TENM3: variants seen among roughly 807,000 people sequenced by gnomAD.
TENM3 encodes the protein teneurin transmembrane protein 3.
Under a neutral mutation model 255.1 loss-of-function variants are expected in TENM3, and 63 were observed. The observed-to-expected ratio is 0.25, with a 90% CI of 0.20 to 0.30. The LOEUF (loss-of-function observed/expected upper bound fraction) is 0.30. TENM3 is among the 10% of genes least tolerant of loss of function. The pLI, the probability that TENM3 is intolerant of heterozygous loss-of-function variation, is 1.00. For synonymous variants in TENM3, 1,306 were observed against 1,322.3 expected (o/e 0.99, Z 0.27); for missense variants, 2,929 against 3,461.1 (o/e 0.85, Z 3.86).
At chr4:182,577,022 C>A (rs1291751388) in intron 3 of TENM3, among the ~76,000 whole-genome samples, 3 of 152,178 alleles carry the variant, frequency 2.0e-5, no homozygotes, top group Non-Finnish European at 4.4e-5. Context: ...CCTCTGTGTT[C>A]TAGCCAGTCT....
At chr4:181,593,098 C>T in the TENM3 span, among the ~76,000 whole-genome samples, 1 of 152,208 alleles carries the variant, frequency 6.6e-6, no homozygotes, top group Non-Finnish European at 1.5e-5. Flanking sequence ...CATCAGTTGG[C>T]TTTCAAAGAT....
the TENM3 span, among the ~76,000 whole-genome samples, chr4:181,595,860 C>T: frequency 6.6e-6 from 1 of 152,146 alleles, no homozygotes; most frequent in Non-Finnish European, 1.5e-5. Flanking sequence ...ACTGAATCCA[C>T]GTGTCATTCA....
the TENM3 span, among the ~76,000 whole-genome samples, chr4:181,566,444 T>A: frequency 6.6e-6 from 1 of 152,198 alleles, no homozygotes; most frequent in Non-Finnish European, 1.5e-5. Context: ...TGGGCTTCTA[T>A]TCTGCTTGAT....
intron 1 of TENM3, among the ~76,000 whole-genome samples, chr4:182,221,453 G>A (rs769874947): frequency 2.0e-5 from 3 of 152,186 alleles, no homozygotes; most frequent in African/African-American, 2.4e-5. Flanking sequence ...CCAAAATCTC[G>A]TGGTGGGCCA....
intron 3 of TENM3, among the ~76,000 whole-genome samples, chr4:182,589,705 G>A (rs767943313): frequency 1.3e-5 from 2 of 152,138 alleles, no homozygotes; most frequent in Non-Finnish European, 2.9e-5. Context: ...GGGCGCAGTG[G>A]CTCACGCCTG....
At chr4:182,761,740 T>C (rs1307679603) in intron 22 of TENM3, among the ~76,000 whole-genome samples, 1 of 152,206 alleles carries the variant, frequency 6.6e-6, no homozygotes, top group Non-Finnish European at 1.5e-5. Flanking sequence ...AGAGAGTTTA[T>C]CAGCAGATCA....
intron 6 of TENM3, among the ~76,000 whole-genome samples, chr4:182,659,068 G>A (rs1452631733): frequency 6.6e-6 from 1 of 152,186 alleles, no homozygotes; most frequent in African/African-American, 2.4e-5. Flanking sequence ...CAAGATTCCT[G>A]GGGAGGGGAA....
chr4:182,430,737 G>A lies in TENM3; in HGVS notation c.511+83808G>A, dbSNP rs901216519. Among the ~76,000 whole-genome samples the A allele has an allele frequency of 3.9e-5, 6 of 152,166 alleles. No individual in the cohort carries two copies. In the South Asian group the frequency reaches 6.2e-4, roughly 16 times the overall value. ...TTTTTGAAAGATAACTTTGGGCTGGGCGTGGTGGCTCACGCCTGTAATCCC... is the reference window on the plus strand; with the variant it reads ...TTTTTGAAAGATAACTTTGGGCTGGACGTGGTGGCTCACGCCTGTAATCCC... On this transcript the variant is annotated intron_variant, in intron 3 of 27. Coordinates refer to ENST00000511685, the MANE Select transcript of TENM3 (RefSeq NM_001080477.4).
intron 16 of TENM3, among the ~76,000 whole-genome samples, chr4:182,731,943 A>G (rs996388172): frequency 4.0e-5 from 6 of 151,762 alleles, no homozygotes; most frequent in Non-Finnish European, 5.9e-5. Flanking sequence ...CACCAAGCCA[A>G]GCTAATTTTT....
At chr4:181,466,166 A>G in the TENM3 span, among the ~76,000 whole-genome samples, 1 of 141,476 alleles carries the variant, frequency 7.1e-6, no homozygotes, top group Non-Finnish European at 1.5e-5. Context: ...CCCCCAGGCT[A>G]GAGTGTAATG....
chr4:181,972,251 G>A, the TENM3 span, among the ~76,000 whole-genome samples: 4 of 151,466 alleles, frequency 2.6e-5, no homozygotes, highest in South Asian at 4.2e-4. Context: ...ATAAAGCCCC[G>A]TCTCTACAAA....
At chr4:182,172,788 C>A (rs1579595439) in intron 1 of TENM3, among the ~76,000 whole-genome samples, 1 of 152,112 alleles carries the variant, frequency 6.6e-6, no homozygotes, top group African/African-American at 2.4e-5. Flanking sequence ...TTCTGCCACC[C>A]AGAAACATTT....
intron 19 of TENM3, among the ~76,000 whole-genome samples, chr4:182,745,144 A>G (rs753017430): frequency 1.2e-4 from 19 of 152,232 alleles, no homozygotes; most frequent in Non-Finnish European, 2.6e-4. Flanking sequence ...AGTGATTAGC[A>G]AACAAAAACC....
At chr4:182,401,883 G>A (rs766847533) in intron 3 of TENM3, among the ~76,000 whole-genome samples, 1 of 152,116 alleles carries the variant, frequency 6.6e-6, no homozygotes, top group Non-Finnish European at 1.5e-5. Flanking sequence ...TAAGGAATTG[G>A]TCAGGAAGTA....
chr4:182,063,432 G>T, the TENM3 span, among the ~76,000 whole-genome samples: 2 of 152,182 alleles, frequency 1.3e-5, no homozygotes, highest in Non-Finnish European at 2.9e-5. Flanking sequence ...TAAGCACTTG[G>T]ATAAAAGTAA....
At chr4:182,611,730 A>G (rs1295906395) in intron 4 of TENM3, among the ~76,000 whole-genome samples, 1 of 152,226 alleles carries the variant, frequency 6.6e-6, no homozygotes, top group African/African-American at 2.4e-5. Context: ...TCTCAGAACT[A>G]ATAATTTCTT....
chr4:182,615,625 C>T (rs2152439268), intron 4 of TENM3, among the ~76,000 whole-genome samples: 1 of 150,686 alleles, frequency 6.6e-6, no homozygotes, highest in East Asian at 2.0e-4. Context: ...ACGGTAGATA[C>T]TTAAAAGTAG....
At chr4:182,525,952 T>C (rs1442594984) in intron 3 of TENM3, among the ~76,000 whole-genome samples, 4 of 152,220 alleles carry the variant, frequency 2.6e-5, no homozygotes, top group Admixed American at 6.5e-5. Flanking sequence ...GGTTTTCCTA[T>C]TGCATTAGCC....
chr4:182,081,169 T>G, the TENM3 span, among the ~76,000 whole-genome samples: 1 of 152,150 alleles, frequency 6.6e-6, no homozygotes, highest in African/African-American at 2.4e-5. Context: ...TAGAGTAAGC[T>G]CCTGAAAAAT....
Sources: gnomAD v4.1 joint callset for allele counts (sites outside exome capture counted in the v4.1 genomes callset) on GRCh38, gnomAD v4.1.1 for gene constraint, MANE v1.5 for transcripts, NCBI Gene and HGNC (gene_info 2026-07-23, HGNC 2026-07-21) for gene names.